The following NRG3 variants were observed in gnomAD, a reference collection of about 807,000 sequenced individuals.
The protein encoded by NRG3 is pro-neuregulin-3, membrane-bound isoform.
NRG3 carries 31 observed loss-of-function variants against 66.9 expected under a neutral mutation model. That is an observed-to-expected ratio of 0.46 (90% CI 0.35 to 0.63). NRG3 has a LOEUF of 0.63. NRG3 is among the 20% of genes least tolerant of loss of function. The pLI, the probability that NRG3 is intolerant of heterozygous loss-of-function variation, is 0.00. For missense variants in NRG3, 910 were observed against 878.9 expected, an observed-to-expected ratio of 1.04 and a Z score of -0.45; for synonymous variants, 393 against 359.4, an observed-to-expected ratio of 1.09 and a Z score of -1.06.
chr10:82,948,715 G>A (rs115739601), intron 4 of NRG3, among the ~76,000 whole-genome samples: 2,150 of 152,104 alleles, frequency 0.014, 47 homozygotes, highest in African/African-American at 0.05. Flanking sequence ...CTTTGTTGCT[G>A]TAAAATGATG....
chr10:82,954,043 T>A (rs896452723), intron 5 of NRG3, among the ~76,000 whole-genome samples: 1 of 151,640 alleles, frequency 6.6e-6, no homozygotes. Flanking sequence ...CTTGCTGTCG[T>A]TAACACCCAT....
At chr10:82,834,177 C>T (rs1156752247) in intron 3 of NRG3, among the ~76,000 whole-genome samples, 1 of 152,156 alleles carries the variant, frequency 6.6e-6, no homozygotes, top group Non-Finnish European at 1.5e-5. Flanking sequence ...TGATTTCAGG[C>T]TGTGCCTTCT....
chr10:82,441,405 T>C (rs745668467), intron 2 of NRG3, among the ~76,000 whole-genome samples: 1 of 152,124 alleles, frequency 6.6e-6, no homozygotes, highest in African/African-American at 2.4e-5. Flanking sequence ...AGAAACAACA[T>C]TGGGTTTCAT....
At chr10:82,387,379 G>T (rs1298460483) in intron 2 of NRG3, among the ~76,000 whole-genome samples, 1 of 152,132 alleles carries the variant, frequency 6.6e-6, no homozygotes, top group Non-Finnish European at 1.5e-5. Flanking sequence ...TCTATTTCCA[G>T]TTACTCATGT....
intron 1 of NRG3, among the ~76,000 whole-genome samples, chr10:82,207,803 A>C (rs976686778): frequency 1.3e-5 from 2 of 152,140 alleles, no homozygotes; most frequent in African/African-American, 4.8e-5. Context: ...TCTCATGAGA[A>C]GTCACTAGCA....
At chr10:82,493,107 TG>T (rs1843300375) in intron 2 of NRG3, among the ~76,000 whole-genome samples, 1 of 151,728 alleles carries the variant, frequency 6.6e-6, no homozygotes, top group Non-Finnish European at 1.5e-5. Context: ...TGTTCAGGTT[TG>T]TTTTTTTTTT....
chr10:82,197,804 A>G (rs1284854218), intron 1 of NRG3, among the ~76,000 whole-genome samples: 1 of 152,182 alleles, frequency 6.6e-6, no homozygotes, highest in Non-Finnish European at 1.5e-5. Flanking sequence ...TCCTTAAGCT[A>G]TTCATGATTT....
At chr10:82,004,026 CACACACACAGAT>C (rs1779875438) in intron 1 of NRG3, among the ~76,000 whole-genome samples, 1 of 148,538 alleles carries the variant, frequency 6.7e-6, no homozygotes, top group South Asian at 2.1e-4. Flanking sequence ...CACACACACA[CACACACACAGAT>C]ACCTTAGAGC....
chr10:82,254,672 C>CAT (rs1318265431), intron 1 of NRG3, among the ~76,000 whole-genome samples: 1 of 151,104 alleles, frequency 6.6e-6, no homozygotes, highest in Non-Finnish European at 1.5e-5. Flanking sequence ...CACACACACA[C>CAT]ACAAAACAAA....
chr10:82,339,656 A>AT (rs1005342720), intron 1 of NRG3, among the ~76,000 whole-genome samples: 2 of 151,910 alleles, frequency 1.3e-5, no homozygotes, highest in South Asian at 2.1e-4. Flanking sequence ...TTAAATTTCT[A>AT]TTTTTTTTAA....
At chr10:82,264,285 G>C (rs11814826) in intron 1 of NRG3, among the ~76,000 whole-genome samples, 31,774 of 152,068 alleles carry the variant, frequency 0.21, 4,255 homozygotes, top group African/African-American at 0.39. Flanking sequence ...ATGGCCGAAG[G>C]CACCCTTCAC....
intron 4 of NRG3, among the ~76,000 whole-genome samples, chr10:82,879,724 C>G (rs1205021856): frequency 1.3e-5 from 2 of 151,992 alleles, no homozygotes; most frequent in Admixed American, 1.3e-4. Context: ...GATCCGCCCT[C>G]CTCGGCCTCC....
chr10:82,262,268 T>C (rs138016764), intron 1 of NRG3, among the ~76,000 whole-genome samples: 73 of 152,196 alleles, frequency 4.8e-4, no homozygotes, highest in African/African-American at 1.7e-3. Context: ...CAGACAAGGA[T>C]TGGTTGGTAG....
At chr10:82,517,629 GC>G (rs570369748) in intron 2 of NRG3, among the ~76,000 whole-genome samples, 2 of 70,432 alleles carry the variant, frequency 2.8e-5, no homozygotes, top group South Asian at 7.1e-4. Flanking sequence ...CTCTCACCCC[GC>G]CCCCCCGTGT....
At position 82,265,154 on chromosome 10, in the gene NRG3, G is replaced by A. The variant is rs575862957; in HGVS notation, c.824-93585G>A. Among the ~76,000 whole-genome samples, 44 of 152,244 alleles carry A rather than the reference G, an allele frequency of 2.9e-4. 1 individual carries two copies. In the South Asian group the frequency reaches 6.4e-3, roughly 22 times the overall value. ...TAAATTAACCACCAAAATTGGGGCC[G>A]CCAGTGCCAAGAACTCACTTGAGGG... On this transcript the variant is annotated intron_variant, in intron 1 of 8. Coordinates refer to ENST00000372141, the MANE Select transcript of NRG3 (RefSeq NM_001010848.4).
At chr10:82,757,108 C>A (rs902022870) in intron 3 of NRG3, among the ~76,000 whole-genome samples, 1 of 151,994 alleles carries the variant, frequency 6.6e-6, no homozygotes, top group Admixed American at 6.6e-5. Flanking sequence ...GTTTGTGATG[C>A]ACAGGATTTG....
chr10:82,157,041 A>T (rs997780681), intron 1 of NRG3, among the ~76,000 whole-genome samples: 8 of 151,718 alleles, frequency 5.3e-5, no homozygotes, highest in Non-Finnish European at 1.2e-4. Flanking sequence ...AATGGTCATT[A>T]TGAAGTTGTT....
intron 3 of NRG3, among the ~76,000 whole-genome samples, chr10:82,845,299 C>A (rs1191503436): frequency 6.6e-6 from 1 of 152,114 alleles, no homozygotes; most frequent in Admixed American, 6.5e-5. Flanking sequence ...CCTTTCATAC[C>A]TGGGAATAAA....
At chr10:82,549,226 TGTTTATA>T (rs1421638584) in intron 2 of NRG3, among the ~76,000 whole-genome samples, 24 of 152,042 alleles carry the variant, frequency 1.6e-4, no homozygotes, top group Non-Finnish European at 2.6e-4. Flanking sequence ...ATATAACAAG[TGTTTATA>T]GTTTATGAAT....
Sources: allele counts gnomAD v4.1 joint callset (sites outside exome capture counted in the v4.1 genomes callset), GRCh38; gene constraint gnomAD v4.1.1; transcripts MANE v1.5; gene names NCBI Gene and HGNC (gene_info 2026-07-23, HGNC 2026-07-21).